EXOC3L2: variants seen among roughly 807,000 people sequenced by gnomAD.
The protein encoded by EXOC3L2 is exocyst complex component 3-like protein 2.
Under a neutral mutation model 44.4 loss-of-function variants are expected in EXOC3L2, and 17 were observed. That is an observed-to-expected ratio of 0.38 (90% confidence interval 0.26 to 0.57). The LOEUF (loss-of-function observed/expected upper bound fraction) is 0.57. EXOC3L2 is among the 20% of genes least tolerant of loss of function. EXOC3L2 has a pLI of 0.65. For synonymous variants in EXOC3L2, 256 were observed against 253.7 expected, an observed-to-expected ratio of 1.01 and a Z score of -0.09; for missense variants, 541 against 588.4, an observed-to-expected ratio of 0.92 and a Z score of 0.83.
At chr19:45,231,391 G>C (rs576458773) in intron 4 of EXOC3L2, among the ~76,000 whole-genome samples, 41 of 149,500 alleles carry the variant, frequency 2.7e-4, no homozygotes, top group Admixed American at 1.5e-3. Context: ...GAGAGGCTGA[G>C]GCAGGAGGAT....
chr19:45,212,695 A>G lies in EXOC3L2; in HGVS notation c.*374T>C, dbSNP rs574743092. On this transcript the variant is annotated 3_prime_UTR_variant, in exon 12 of 12. Transcript: ENST00000413988. ...ATAGCTCACTGCAGCCTCGAACTCC[A>G]GTGATCCTCCAGCCTCAGCCTCACC... is the stretch of plus-strand genomic sequence containing the variant. 33 of 167,626 alleles carry G rather than the reference A, an allele frequency of 2.0e-4. No individual in the cohort carries two copies. Among genetic ancestry groups the G allele is most frequent in the Admixed American group, 5.6e-4 (8 of 14,230 alleles). 10.4% of individuals were successfully genotyped at this position (167,626 alleles called of 1,614,324 possible). A position where few individuals can be genotyped will look rare whatever the true frequency, so the allele number is the denominator to read the frequency against.
At chr19:45,215,269 G>A (rs977268177) in intron 11 of EXOC3L2, among the ~76,000 whole-genome samples, 6 of 152,072 alleles carry the variant, frequency 3.9e-5, no homozygotes, top group African/African-American at 9.7e-5. Context: ...CCAGAAGTTC[G>A]AGACCAGCCT....
chr19:45,229,227 A>AGT (rs1255363070), intron 4 of EXOC3L2, among the ~76,000 whole-genome samples: 94 of 122,732 alleles, frequency 7.7e-4, no homozygotes, highest in South Asian at 1.7e-3. Flanking sequence ...AAATATATAC[A>AGT]TATATTTATG....
chr19:45,225,490 G>C (rs932961479), intron 7 of EXOC3L2, among the ~76,000 whole-genome samples: 2 of 152,042 alleles, frequency 1.3e-5, no homozygotes, highest in East Asian at 1.9e-4. Context: ...GGATGGTCTC[G>C]ATCTCCTGAC....
intron 7 of EXOC3L2, among the ~76,000 whole-genome samples, chr19:45,225,620 CTT>C (rs555190100): frequency 3.4e-4 from 43 of 125,278 alleles, no homozygotes; most frequent in South Asian, 5.1e-4. Context: ...TTACTCTTCT[CTT>C]TTTTTTTTTT....
chr19:45,225,332 C>T (rs2122969922), intron 7 of EXOC3L2, among the ~76,000 whole-genome samples: 1 of 151,594 alleles, frequency 6.6e-6, no homozygotes, highest in South Asian at 2.1e-4. Context: ...GCAGTGGTGC[C>T]ATCTTGGCTC....
intron 1 of EXOC3L2, among the ~76,000 whole-genome samples, chr19:45,245,012 C>A (rs536971156): frequency 3.3e-5 from 5 of 151,946 alleles, no homozygotes; most frequent in African/African-American, 1.2e-4. Context: ...TCAGTCTTCC[C>A]GCCCAGACTC....
Position 45,228,281 on chromosome 19 carries a change from G to A in EXOC3L2, c.1270-15C>T, listed in dbSNP as rs1210049434. 2 of 1,612,632 alleles carry A rather than the reference G, an allele frequency of 1.2e-6. No homozygotes were observed. Among genetic ancestry groups the A allele is most frequent in the Admixed American group, 1.7e-5 (1 of 59,820 alleles). ...CGGGTCTGAGCCTACAGTAGGGAGA[G>A]GGGAGACAGGCAGGAGTTGGGGGCG... is the stretch of plus-strand genomic sequence containing the variant. On this transcript the variant is annotated splice_polypyrimidine_tract_variant and intron_variant, in intron 4 of 11. Coordinates refer to ENST00000413988, the MANE Select transcript of EXOC3L2 (RefSeq NM_001382422.1).
intron 11 of EXOC3L2, among the ~76,000 whole-genome samples, chr19:45,215,626 A>G (rs1222704567): frequency 6.6e-6 from 1 of 152,222 alleles, no homozygotes; most frequent in Non-Finnish European, 1.5e-5. Flanking sequence ...CGAGAATACT[A>G]CTATCCCCAT....
At position 45,238,637 on chromosome 19, in the gene EXOC3L2, C is replaced by T; in HGVS notation, c.409G>A (p.Gly137Arg). Reference protein sequence around the residue: ...RRLAFLRLGRGSKPQRASLAE... With the variant: ...RRLAFLRLGRRSKPQRASLAE... ...AGGGACGCACGCTGGGGCTTGGATCCACGCCCCAGTCTCAGGAAGGCCAGT... is the reference window on the plus strand; with the variant it reads ...AGGGACGCACGCTGGGGCTTGGATCTACGCCCCAGTCTCAGGAAGGCCAGT... The change falls in exon 2 of 12, where the codon GGA becomes AGA. Residue 137 changes from glycine to arginine, a missense_variant. Physicochemically the swap from Gly to Arg is moderately radical, Grantham distance 125. Transcript: ENST00000413988. This position sits in a 1 kb window ranked among gnomAD's most constrained non-coding sequence, Gnocchi z 5.5. 1 of 399,246 alleles carries T rather than the reference C, an allele frequency of 2.5e-6. No individual in the cohort carries two copies. Among genetic ancestry groups the T allele is most frequent in the Admixed American group, 4.4e-5 (1 of 22,740 alleles). The allele number at this position is 399,246 out of a possible 1,614,324, so 24.7% of individuals were successfully genotyped here. A position where few individuals can be genotyped will look rare whatever the true frequency, so the allele number is the denominator to read the frequency against.
intron 7 of EXOC3L2, among the ~76,000 whole-genome samples, chr19:45,226,557 T>G (rs898830912): frequency 4.1e-5 from 6 of 145,276 alleles, no homozygotes; most frequent in African/African-American, 1.5e-4. Flanking sequence ...CTGCCTCAGC[T>G]TCCTGAGTAG....
At chr19:45,216,504 G>A (rs1969836652) in intron 10 of EXOC3L2, among the ~76,000 whole-genome samples, 3 of 152,034 alleles carry the variant, frequency 2.0e-5, no homozygotes, top group Admixed American at 1.3e-4. Context: ...ACTTGAAATC[G>A]AGAGGCAGAG....
At position 45,213,200 on chromosome 19, in the gene EXOC3L2, G is replaced by A. The variant is rs770700089; in HGVS notation, c.2278C>T (p.Arg760Cys). ...RAFFADIPVP[R>C]PSFCLSLPLF... is the part of the protein sequence containing the mutation. Reference sequence around the variant, plus strand: ...GGGAGGCTGAGACAGAAAGATGGGCGGGGCACAGGGATGTCTGCAAAGAAG... The same window carrying A: ...GGGAGGCTGAGACAGAAAGATGGGCAGGGCACAGGGATGTCTGCAAAGAAG... Residue 760 changes from arginine to cysteine, a missense_variant, in exon 12 of 12, where the codon CGC (arginine) becomes TGC (cysteine). Transcript: ENST00000413988. 6.8e-5 allele frequency: 110 copies of A among 1,608,144 alleles called. No individual in the cohort carries two copies. Among genetic ancestry groups the A allele is most frequent in the Non-Finnish European group, 8.8e-5 (104 of 1,177,200 alleles).
rs1361788377 is a variant in EXOC3L2, at chr19:45,234,711, G to A, written c.639C>T (p.Pro213=). 1 of 390,484 alleles carries A rather than the reference G, an allele frequency of 2.6e-6. No homozygotes were observed. The highest frequency in any genetic ancestry group is 2.1e-5 in the African/African-American group (1 of 48,162). The allele number at this position is 390,484 out of a possible 1,614,324, so 24.2% of individuals were successfully genotyped here. ...GGCCCCCGCCAGCGCCCTCGGCCTT[G>A]GGAGGCCCAGGCGCGCCGCCCCTCG... ...APSRGGAPGP[P]KAEGAGGGRR... is the part of the protein sequence containing the mutation. Residue 213 remains proline (P), a synonymous_variant, in exon 3 of 12, where the codon CCC becomes CCT. Coordinates refer to ENST00000413988, the MANE Select transcript of EXOC3L2 (RefSeq NM_001382422.1). The surrounding 1 kb of genome is among the most constrained non-coding windows in gnomAD (Gnocchi z 5.0).
chr19:45,215,885 AGGCAGCAGCGGC>A (rs932862558), intron 11 of EXOC3L2, among the ~76,000 whole-genome samples, 176 bp downstream of exon 11: 1 of 152,082 alleles, frequency 6.6e-6, no homozygotes, highest in African/African-American at 2.4e-5. Context: ...GTGGCGGCGG[AGGCAGCAGCGGC>A]GGCAGGAGAA....
At chr19:45,243,490 C>T (rs547282130) in intron 1 of EXOC3L2, among the ~76,000 whole-genome samples, 60 of 152,262 alleles carry the variant, frequency 3.9e-4, no homozygotes, top group Admixed American at 5.9e-4. Flanking sequence ...GAAACGCTCT[C>T]GGACCTCCTT....
intron 4 of EXOC3L2, among the ~76,000 whole-genome samples, chr19:45,231,106 T>A (rs548814497): frequency 4.3e-4 from 65 of 152,090 alleles, no homozygotes; most frequent in African/African-American, 1.5e-3. Flanking sequence ...AATAAAAAAG[T>A]ATAATCCTCA....
intron 5 of EXOC3L2, 39 bp downstream of exon 5, chr19:45,228,126 T>C (rs775142497): frequency 6.2e-7 from 1 of 1,613,688 alleles, no homozygotes; most frequent in South Asian, 1.1e-5. Flanking sequence ...GGTCCCACTT[T>C]CCATCCAGCC....
rs2122986906 is a variant in EXOC3L2, at chr19:45,234,842, G to C, written c.524-16C>G. The stretch of plus-strand genomic sequence containing the variant: ...ATCTCCAGCACTGCGGGAGCAAAGC[G>C]GGAGGTCAGCAGTGCGCGGGGGGGA... On this transcript the variant is annotated splice_polypyrimidine_tract_variant and intron_variant, in intron 2 of 11. Transcript: ENST00000413988. The surrounding 1 kb of genome is among the most constrained non-coding windows in gnomAD (Gnocchi z 5.0). 5.1e-6 allele frequency: 2 copies of C among 392,016 alleles called. No individual in the cohort carries two copies. Among genetic ancestry groups the C allele is most frequent in the East Asian group, 7.3e-5 (2 of 27,582 alleles). 24.3% of individuals were successfully genotyped at this position (392,016 alleles called of 1,614,324 possible).
Sources: allele counts gnomAD v4.1 joint callset (sites outside exome capture counted in the v4.1 genomes callset), GRCh38; gene constraint gnomAD v4.1.1; non-coding constraint Gnocchi (gnomAD v3.1); transcripts MANE v1.5; gene names NCBI Gene and HGNC (gene_info 2026-07-23, HGNC 2026-07-21).